The following RSU1 variants were observed in gnomAD, a reference collection of about 807,000 sequenced individuals.
RSU1 encodes rsu-1.
Under a neutral mutation model 31.1 loss-of-function variants are expected in RSU1, and 26 were observed. That is an observed-to-expected ratio of 0.84 (90% CI 0.61 to 1.16). The LOEUF is 1.16. Among genes scored for constraint, RSU1 ranks in the 50% most tolerant of loss-of-function variants. The pLI is 0.00. For missense variants in RSU1, 320 were observed against 339.1 expected (o/e 0.94, Z 0.44); for synonymous variants, 164 against 136.3 (o/e 1.20, Z -1.41).
At chr10:16,663,630 G>A (rs527762048) in intron 8 of RSU1, among the ~76,000 whole-genome samples, 4 of 152,264 alleles carry the variant, frequency 2.6e-5, no homozygotes, top group Admixed American at 6.5e-5. Context: ...ATAGCCACTC[G>A]CCGCGCAGTA....
intron 8 of RSU1, among the ~76,000 whole-genome samples, chr10:16,634,097 A>G (rs1291773659): frequency 6.6e-6 from 1 of 152,238 alleles, no homozygotes; most frequent in East Asian, 1.9e-4. Flanking sequence ...GGCGAAGTAC[A>G]CCTTCACCAG....
intron 8 of RSU1, among the ~76,000 whole-genome samples, chr10:16,665,989 T>C (rs979223824): frequency 2.6e-5 from 4 of 152,228 alleles, no homozygotes; most frequent in African/African-American, 4.8e-5. Context: ...TTTTAAAGTA[T>C]ACTGTGTCCT....
At chr10:16,801,640 G>A (rs1838157588) in intron 2 of RSU1, among the ~76,000 whole-genome samples, 1 of 151,980 alleles carries the variant, frequency 6.6e-6, no homozygotes, top group Non-Finnish European at 1.5e-5. Flanking sequence ...CACATTCTGG[G>A]CCATAAAACA....
intron 8 of RSU1, among the ~76,000 whole-genome samples, chr10:16,667,012 CCAAAACAAAG>C (rs1835003711): frequency 6.6e-6 from 1 of 150,542 alleles, no homozygotes; most frequent in South Asian, 2.1e-4. Flanking sequence ...AAAAACCAAA[CCAAAACAAAG>C]CAAAACAAAC....
At chr10:16,759,473 C>G (rs1837163356) in intron 4 of RSU1, among the ~76,000 whole-genome samples, 1 of 152,170 alleles carries the variant, frequency 6.6e-6, no homozygotes, top group Non-Finnish European at 1.5e-5. Flanking sequence ...TGCCACTGCA[C>G]TCCAGCCTGG....
At chr10:16,780,745 C>A (rs894721626) in intron 3 of RSU1, among the ~76,000 whole-genome samples, 1 of 152,180 alleles carries the variant, frequency 6.6e-6, no homozygotes, top group Non-Finnish European at 1.5e-5. Context: ...CCCTTCTGAA[C>A]TGAGAATCTG....
chr10:16,816,899 A>C, intron 2 of RSU1, 74 bp downstream of exon 2: 1 of 1,031,740 alleles, frequency 9.7e-7, no homozygotes, highest in South Asian at 1.3e-5. Context: ...CGCTCACAGC[A>C]GGACCAGCAG....
chr10:16,708,063 C>A (rs995958820), intron 7 of RSU1, among the ~76,000 whole-genome samples: 1 of 152,052 alleles, frequency 6.6e-6, no homozygotes, highest in Non-Finnish European at 1.5e-5. Context: ...CTATTCTGTT[C>A]CACTGGTTTA....
intron 8 of RSU1, among the ~76,000 whole-genome samples, chr10:16,674,106 A>G (rs1835173996): frequency 6.6e-6 from 1 of 152,112 alleles, no homozygotes; most frequent in Non-Finnish European, 1.5e-5. Context: ...ACAAAATATA[A>G]GGCAAGTGGG....
chr10:16,740,003 A>G (rs1488682967), intron 7 of RSU1, among the ~76,000 whole-genome samples: 1 of 152,184 alleles, frequency 6.6e-6, no homozygotes, highest in African/African-American at 2.4e-5. Flanking sequence ...TCAATTCATA[A>G]TTCAAAACTT....
At chr10:16,698,056 A>C (rs895949350) in intron 7 of RSU1, among the ~76,000 whole-genome samples, 2 of 130,960 alleles carry the variant, frequency 1.5e-5, no homozygotes, top group African/African-American at 6.1e-5. Flanking sequence ...GAAGTCAGCT[A>C]CATTTGGGCA....
intron 8 of RSU1, among the ~76,000 whole-genome samples, chr10:16,675,918 G>T (rs150399406): frequency 0.011 from 1,743 of 152,182 alleles, 34 homozygotes; most frequent in African/African-American, 0.04. Flanking sequence ...ATTCTTGGAT[G>T]GGCAACAGAA....
intron 7 of RSU1, among the ~76,000 whole-genome samples, chr10:16,724,547 T>C (rs1194565313): frequency 6.6e-6 from 1 of 152,078 alleles, no homozygotes; most frequent in African/African-American, 2.4e-5. Context: ...AGTGAGAACA[T>C]ACTAAAAGAA....
intron 8 of RSU1, among the ~76,000 whole-genome samples, chr10:16,664,335 C>T (rs1351347184): frequency 1.3e-5 from 2 of 152,112 alleles, no homozygotes; most frequent in South Asian, 2.1e-4. Context: ...TCTAGCTCTG[C>T]GACAGTCAAT....
intron 3 of RSU1, among the ~76,000 whole-genome samples, chr10:16,781,767 G>A (rs1039591335): frequency 3.9e-5 from 6 of 152,134 alleles, no homozygotes; most frequent in Non-Finnish European, 7.3e-5. Context: ...CAGGACGATC[G>A]CTTGAGCCCA....
chr10:16,761,058 C>T (rs924168441), intron 4 of RSU1, among the ~76,000 whole-genome samples: 24 of 152,206 alleles, frequency 1.6e-4, no homozygotes, highest in African/African-American at 5.5e-4. Context: ...TCTCCTGCCT[C>T]AGCCTCCCAG....
intron 7 of RSU1, among the ~76,000 whole-genome samples, chr10:16,695,736 A>T (rs1260105489): frequency 1.3e-5 from 2 of 152,242 alleles, no homozygotes; most frequent in African/African-American, 2.4e-5. Flanking sequence ...TTCATTCTCC[A>T]GCAATCTGGA....
intron 8 of RSU1, among the ~76,000 whole-genome samples, chr10:16,679,869 G>GTTTTTTTT (rs71374699): frequency 8.0e-6 from 1 of 124,650 alleles, no homozygotes; most frequent in African/African-American, 3.2e-5. Context: ...AAAGACTCAA[G>GTTTTTTTT]TTTTTTTTTT....
chr10:16,708,416 G>A (rs886681125), intron 7 of RSU1, among the ~76,000 whole-genome samples: 5 of 152,034 alleles, frequency 3.3e-5, no homozygotes, highest in Admixed American at 3.3e-4. Flanking sequence ...CTGTTTCAGG[G>A]GTGGCAGAAG....
Sources: gnomAD v4.1 joint callset for allele counts (sites outside exome capture counted in the v4.1 genomes callset) on GRCh38, gnomAD v4.1.1 for gene constraint, MANE v1.5 for transcripts, NCBI Gene and HGNC (gene_info 2026-07-23, HGNC 2026-07-21) for gene names.